AGAP1: variants seen among roughly 807,000 people sequenced by gnomAD.
AGAP1 encodes ArfGAP with GTPase domain, ankyrin repeat and PH domain 1, also known as arf-GAP with GTPase, ANK repeat and PH domain-containing protein 1.
A neutral mutation model predicts 105.3 loss-of-function variants in AGAP1; 29 were observed. The ratio of observed to expected loss-of-function variants is 0.28; its 90% confidence interval spans 0.21 to 0.38. The LOEUF is 0.38. AGAP1 is among the 10% of genes least tolerant of loss of function. AGAP1 has a pLI of 1.00. For missense variants in AGAP1, 998 were observed against 1,165.1 expected, an observed-to-expected ratio of 0.86 and a Z score of 2.09; for synonymous variants, 509 against 485.9, an observed-to-expected ratio of 1.05 and a Z score of -0.63.
intron 2 of AGAP1, among the ~76,000 whole-genome samples, chr2:235,715,702 C>T (rs1033925297): frequency 1.3e-5 from 2 of 152,140 alleles, no homozygotes; most frequent in African/African-American, 2.4e-5. Context: ...CTGGTGTTCT[C>T]GGGTTGAAAA....
At chr2:235,746,582 C>T (rs115600993) in intron 5 of AGAP1, among the ~76,000 whole-genome samples, 456 of 151,348 alleles carry the variant, frequency 3.0e-3, no homozygotes, top group African/African-American at 0.01. Context: ...GCAGAGTTGC[C>T]GTATTTGAGG....
At chr2:235,917,437 G>A (rs375996671) in intron 11 of AGAP1, among the ~76,000 whole-genome samples, 3 of 152,176 alleles carry the variant, frequency 2.0e-5, no homozygotes, top group South Asian at 2.1e-4. Context: ...TAATGTGATC[G>A]GACTTGCTCT....
intron 1 of AGAP1, among the ~76,000 whole-genome samples, chr2:235,561,332 C>T (rs1944144380): frequency 6.6e-6 from 1 of 152,176 alleles, no homozygotes; most frequent in African/African-American, 2.4e-5. Context: ...CTGCTGGGGT[C>T]TGCGGGTAAG....
At chr2:235,524,412 C>T (rs1204876411) in intron 1 of AGAP1, 1 of 230,034 alleles carries the variant, frequency 4.3e-6, no homozygotes, top group South Asian at 4.8e-5. Flanking sequence ...TATTTTTGCA[C>T]AGCCTGACAG....
intron 1 of AGAP1, among the ~76,000 whole-genome samples, chr2:235,634,587 A>G (rs935820109): frequency 1.3e-5 from 2 of 152,200 alleles, no homozygotes; most frequent in Non-Finnish European, 2.9e-5. Flanking sequence ...ATTGTGACCA[A>G]GACACTGCGA....
chr2:236,043,298 G>A (rs1053945465), intron 15 of AGAP1, among the ~76,000 whole-genome samples: 10 of 152,332 alleles, frequency 6.6e-5, no homozygotes, highest in African/African-American at 2.4e-4. Flanking sequence ...TAAGGCGGGT[G>A]CAGAGATCTG....
rs954177059 is a variant in AGAP1 at position 235,864,600 on chromosome 2, CTGTCGTCCCTGG to C, written c.1051-18733_1051-18722del. On this transcript the variant is annotated intron_variant, in intron 9 of 17. Coordinates refer to ENST00000304032, the MANE Select transcript of AGAP1 (RefSeq NM_001037131.3). The surrounding 1 kb of genome is among the most constrained non-coding windows in gnomAD (Gnocchi z 5.0). ...CACCAGCAGCCATTAAGTGCAGATA[CTGTCGTCCCTGG>C]TGTCGTCCCTGAAAATCTTGTGACA... Among the ~76,000 whole-genome samples the C allele has an allele frequency of 5.5e-4, 84 of 152,304 alleles. No individual in the cohort carries two copies. Among genetic ancestry groups the C allele is most frequent in the African/African-American group, 3.4e-4 (14 of 41,570 alleles).
At chr2:235,763,038 G>A (rs1165963398) in intron 6 of AGAP1, among the ~76,000 whole-genome samples, 1 of 131,886 alleles carries the variant, frequency 7.6e-6, no homozygotes, top group Non-Finnish European at 1.7e-5. Context: ...AGGCTCGGGT[G>A]TGTGTGTGTG....
chr2:235,934,802 G>A lies in AGAP1; in HGVS notation c.1483+3879G>A, dbSNP rs912270710. Among the ~76,000 whole-genome samples, 1 of 151,954 alleles carries A rather than the reference G, an allele frequency of 6.6e-6. No individual in the cohort carries two copies. The highest frequency in any genetic ancestry group is 1.5e-5 in the Non-Finnish European group (1 of 68,006). On this transcript the variant is annotated intron_variant, in intron 12 of 17. Coordinates refer to ENST00000304032, the MANE Select transcript of AGAP1 (RefSeq NM_001037131.3). This position sits in a 1 kb window ranked among gnomAD's most constrained non-coding sequence, Gnocchi z 4.9. ...GCCTAAGCAGCTTTGGAATACAGAC[G>A]CCCGTGTTGGCAAGTGTGCCTTCCC... is the stretch of plus-strand genomic sequence containing the variant.
In AGAP1 at chr2:235,999,288, AGGTGGT is replaced by A. The variant is rs761089040; in HGVS notation, c.1645+30673_1645+30678del. On this transcript the variant is annotated intron_variant, in intron 13 of 17. Coordinates refer to ENST00000304032, the MANE Select transcript of AGAP1 (RefSeq NM_001037131.3). ...TAGTGATTGTGGTGACGATGCTGAG[AGGTGGT>A]GGTGGTGATGGTGATGGTGGTGGTG... Among the ~76,000 whole-genome samples, 73 of 110,182 alleles carry A rather than the reference AGGTGGT, an allele frequency of 6.6e-4. 1 individual carries two copies. Among genetic ancestry groups the A allele is most frequent in the Admixed American group, 1.0e-3 (12 of 11,730 alleles). 72.3% of individuals were successfully genotyped at this position (110,182 alleles called of 152,430 possible).
chr2:235,505,309 C>T (rs1318058145), intron 1 of AGAP1, among the ~76,000 whole-genome samples: 1 of 152,178 alleles, frequency 6.6e-6, no homozygotes, highest in African/African-American at 2.4e-5. Flanking sequence ...GGGAGCTGCC[C>T]ATCCCCCTCC....
chr2:235,670,130 G>C lies in AGAP1; in HGVS notation c.164-39049G>C, dbSNP rs1301636405. Reference sequence around the variant, plus strand: ...CTTGTTGGACGGCAGTGGCGAGCCCGCGTCGCCACCCGCGGACGCGATGCC... The same window carrying C: ...CTTGTTGGACGGCAGTGGCGAGCCCCCGTCGCCACCCGCGGACGCGATGCC... On this transcript the variant is annotated intron_variant, in intron 1 of 17. Coordinates refer to ENST00000304032, the MANE Select transcript of AGAP1 (RefSeq NM_001037131.3). The C allele has an allele frequency of 8.7e-6, 5 of 575,750 alleles. No individual in the cohort carries two copies. In the South Asian group the frequency reaches 9.0e-5, roughly 10 times the overall value. The allele number at this position is 575,750 out of a possible 1,614,324, so 35.7% of individuals were successfully genotyped here.
At chr2:235,759,461 G>A (rs544426864) in intron 6 of AGAP1, among the ~76,000 whole-genome samples, 81 of 152,312 alleles carry the variant, frequency 5.3e-4, no homozygotes, top group South Asian at 8.3e-4. Flanking sequence ...GAGCCACCGC[G>A]CCCGGCCCTG....
At chr2:235,738,366 G>C (rs1952373765) in intron 3 of AGAP1, among the ~76,000 whole-genome samples, 1 of 151,934 alleles carries the variant, frequency 6.6e-6, no homozygotes, top group African/African-American at 2.4e-5. Flanking sequence ...CATTTCACAG[G>C]TGAGGAAACT....
At chr2:235,658,295 A>G (rs577329939) in intron 1 of AGAP1, among the ~76,000 whole-genome samples, 64 of 152,190 alleles carry the variant, frequency 4.2e-4, no homozygotes, top group Non-Finnish European at 7.8e-4. Flanking sequence ...CGGTGCTGCT[A>G]TTTTCCTTGG....
In AGAP1 at chr2:235,893,714, A is replaced by G. The variant is rs562760613; in HGVS notation, c.1155+10265A>G. On this transcript the variant is annotated intron_variant, in intron 10 of 17. Transcript: ENST00000304032. This position sits in a 1 kb window ranked among gnomAD's most constrained non-coding sequence, Gnocchi z 4.7. Reference sequence around the variant, plus strand: ...ATTGAGGAGGAGGGCTGTGTTCCCCACAGTCTGCCCAGGGGCTGTCATGTG... The same window carrying G: ...ATTGAGGAGGAGGGCTGTGTTCCCCGCAGTCTGCCCAGGGGCTGTCATGTG... Among the ~76,000 whole-genome samples, 1 of 152,220 alleles carries G rather than the reference A, an allele frequency of 6.6e-6. No homozygotes were observed. Among genetic ancestry groups the G allele is most frequent in the East Asian group, 1.9e-4 (1 of 5,172 alleles).
At chr2:235,775,794 TG>T (rs1303287465) in intron 6 of AGAP1, 1 of 152,216 alleles carries the variant, frequency 6.6e-6, no homozygotes, top group Non-Finnish European at 1.5e-5. Context: ...TTAATACCCC[TG>T]GAAGTATTTC....
chr2:235,952,925 CAGAGTATT>C (rs1162990587), intron 12 of AGAP1, among the ~76,000 whole-genome samples: 2 of 152,182 alleles, frequency 1.3e-5, no homozygotes, highest in African/African-American at 4.8e-5. Flanking sequence ...CTCCAAGAGC[CAGAGTATT>C]GCTCTGTGAC....
rs1243671416 is a variant in AGAP1, at chr2:235,622,195, C to T, written c.164-86984C>T. On this transcript the variant is annotated intron_variant, in intron 1 of 17. Transcript: ENST00000304032. The surrounding 1 kb of genome is among the most constrained non-coding windows in gnomAD (Gnocchi z 5.0). ...AGGTTTTATAAAAGCTGATGTTCTT[C>T]ATGCTCTTCCCAATTTTGGGAAAGG... Among the ~76,000 whole-genome samples the T allele has an allele frequency of 1.3e-5, 2 of 152,096 alleles. No individual in the cohort carries two copies. Among genetic ancestry groups the T allele is most frequent in the East Asian group, 3.9e-4 (2 of 5,184 alleles).
Sources: gnomAD v4.1 joint callset for allele counts (sites outside exome capture counted in the v4.1 genomes callset) on GRCh38, gnomAD v4.1.1 for gene constraint, Gnocchi (gnomAD v3.1) non-coding constraint, MANE v1.5 for transcripts, NCBI Gene and HGNC (gene_info 2026-07-23, HGNC 2026-07-21) for gene names.